Variants in ZDHHC2 observed in about 807,000 individuals in gnomAD.
ZDHHC2 encodes palmitoyltransferase ZDHHC2.
A neutral mutation model predicts 55.6 loss-of-function variants in ZDHHC2; 51 were observed. The ratio of observed to expected loss-of-function variants is 0.92; its 90% CI spans 0.73 to 1.16. ZDHHC2 has a LOEUF of 1.16. Ranked by LOEUF, ZDHHC2 falls within the 50% of genes most tolerant of loss-of-function variation. The probability of loss-of-function intolerance (pLI) is 0.00; values close to 1 mark genes in which losing one functional copy is unlikely to be tolerated. For missense variants in ZDHHC2, 491 were observed against 442.4 expected (o/e 1.11, Z -0.99); for synonymous variants, 199 against 152.9 (o/e 1.30, Z -2.22).
rs1208467052 is a variant in ZDHHC2 at position 17,223,606 on chromosome 8, T to A, written c.*3385T>A. 1 of 151,840 alleles carries A rather than the reference T, an allele frequency of 6.6e-6. No homozygotes were observed. Among genetic ancestry groups the A allele is most frequent in the Non-Finnish European group, 1.5e-5 (1 of 67,770 alleles). The allele number at this position is 151,840 out of a possible 1,614,324, so 9.4% of individuals were successfully genotyped here. On this transcript the variant is annotated 3_prime_UTR_variant, in exon 13 of 13. Transcript: ENST00000262096. ...GTATTACTCTTTTACAAAGATACCA[T>A]TAGAATTTTCTCACTGTCTTGGTAA...
rs141912769 is a variant in ZDHHC2, at chr8:17,197,740, T to G, written c.443+89T>G. ...TTTTCTCACTGTTTTCCTGATTATCTTCTCCATATTCTCGCTTCTCAGCCC... is the reference window on the plus strand; with the variant it reads ...TTTTCTCACTGTTTTCCTGATTATCGTCTCCATATTCTCGCTTCTCAGCCC... On this transcript the variant is annotated intron_variant, in intron 5 of 12. Coordinates refer to ENST00000262096, the MANE Select transcript of ZDHHC2 (RefSeq NM_016353.5). The G allele has an allele frequency of 8.4e-5, 111 of 1,325,758 alleles. No individual in the cohort carries two copies. In the African/African-American group the frequency reaches 9.4e-4, roughly 11 times the overall value. 82.1% of individuals were successfully genotyped at this position (1,325,758 alleles called of 1,614,324 possible).
chr8:17,171,975 A>G (rs756395127), intron 1 of ZDHHC2, among the ~76,000 whole-genome samples: 7 of 151,908 alleles, frequency 4.6e-5, no homozygotes, highest in Non-Finnish European at 8.8e-5. Context: ...TAACTTGTGC[A>G]AGCTGACTCC....
At chr8:17,208,175 A>G in intron 8 of ZDHHC2, 83 bp downstream of exon 8, 1 of 1,373,034 alleles carries the variant, frequency 7.3e-7, no homozygotes, top group Non-Finnish European at 9.6e-7. Context: ...ATTAAATGCC[A>G]ACTTGCCCTG....
At chr8:17,160,035 A>T (rs1328809629) in intron 1 of ZDHHC2, among the ~76,000 whole-genome samples, 1 of 152,178 alleles carries the variant, frequency 6.6e-6, no homozygotes, top group Non-Finnish European at 1.5e-5. Flanking sequence ...TATGAGAGGG[A>T]ATGAGGGAGG....
At chr8:17,199,497 T>TTCG (rs1480481564) in intron 6 of ZDHHC2, among the ~76,000 whole-genome samples, 11,581 of 52,336 alleles carry the variant, frequency 0.22, 1,023 homozygotes, top group East Asian at 0.3. Context: ...CTTCTTCTTC[T>TTCG]TCTTCTTCTT....
intron 1 of ZDHHC2, among the ~76,000 whole-genome samples, chr8:17,178,993 C>G (rs1805295905): frequency 6.6e-6 from 1 of 152,074 alleles, no homozygotes; most frequent in African/African-American, 2.4e-5. Context: ...CTCTGTTGCC[C>G]AGGCTTGAAT....
intron 1 of ZDHHC2, among the ~76,000 whole-genome samples, chr8:17,174,627 C>T (rs1187571216): frequency 6.6e-6 from 1 of 151,876 alleles, no homozygotes; most frequent in African/African-American, 2.4e-5. Context: ...CATAACCTAC[C>T]CTTAAGAGAC....
chr8:17,219,650 C>T (rs945454758), intron 12 of ZDHHC2, among the ~76,000 whole-genome samples: 2 of 152,096 alleles, frequency 1.3e-5, no homozygotes, highest in African/African-American at 4.8e-5. Context: ...CCTGTGGTCC[C>T]AGCCACTCCA....
intron 11 of ZDHHC2, among the ~76,000 whole-genome samples, chr8:17,215,905 G>A (rs181249100): frequency 7.2e-5 from 11 of 152,270 alleles, no homozygotes; most frequent in African/African-American, 1.2e-4. Flanking sequence ...GCAAGGCTCC[G>A]AAGTCAGACC....
intron 1 of ZDHHC2, among the ~76,000 whole-genome samples, chr8:17,171,293 G>A (rs192299618): frequency 1.3e-5 from 2 of 152,280 alleles, no homozygotes; most frequent in Admixed American, 6.5e-5. Context: ...CTGGCACTAG[G>A]AGCCTCTTCT....
At chr8:17,177,935 A>G (rs879670995) in intron 1 of ZDHHC2, among the ~76,000 whole-genome samples, 3 of 152,214 alleles carry the variant, frequency 2.0e-5, no homozygotes, top group African/African-American at 4.8e-5. Context: ...GACAAGAAAA[A>G]GAAAATTCAG....
In ZDHHC2 at chr8:17,222,943, C is replaced by A. The variant is rs1807982906; in HGVS notation, c.*2722C>A. 1 of 151,814 alleles carries A rather than the reference C, an allele frequency of 6.6e-6. No homozygotes were observed. The highest frequency in any genetic ancestry group is 1.5e-5 in the Non-Finnish European group (1 of 67,734). The allele number at this position is 151,814 out of a possible 1,614,324, so 9.4% of individuals were successfully genotyped here. A position where few individuals can be genotyped will look rare whatever the true frequency, so the allele number is the denominator to read the frequency against. On this transcript the variant is annotated 3_prime_UTR_variant, in exon 13 of 13. Transcript: ENST00000262096. ...GATTCTGAGGACAATTAGAAACAGACTATAAAACTCAACTACACTGTAATC... is the reference window on the plus strand; with the variant it reads ...GATTCTGAGGACAATTAGAAACAGAATATAAAACTCAACTACACTGTAATC...
At position 17,174,842 on chromosome 8, in the gene ZDHHC2, C is replaced by T. The variant is rs1343061667; in HGVS notation, c.131-9947C>T. 4.6e-5 allele frequency among the ~76,000 whole-genome samples: 7 copies of T among 151,494 alleles called. No individual in the cohort carries two copies. In the East Asian group the frequency reaches 1.2e-3, roughly 25 times the overall value. ...CCTCCCACCTCAGCCTCCTGACTAG[C>T]TGGCATCACAGGTGTGCGCCACCAC... On this transcript the variant is annotated intron_variant, in intron 1 of 12. Transcript: ENST00000262096.
At chr8:17,200,458 A>G (rs1806697048) in intron 6 of ZDHHC2, among the ~76,000 whole-genome samples, 1 of 152,230 alleles carries the variant, frequency 6.6e-6, no homozygotes, top group African/African-American at 2.4e-5. Context: ...TGTATACTCC[A>G]GATATATTCA....
At chr8:17,199,526 C>CT (rs777872313) in intron 6 of ZDHHC2, among the ~76,000 whole-genome samples, 14 of 35,288 alleles carry the variant, frequency 4.0e-4, no homozygotes, top group Admixed American at 7.6e-4. Flanking sequence ...TCTTCGTCTT[C>CT]GTCTTCTGTC....
At chr8:17,167,294 T>A (rs1804648356) in intron 1 of ZDHHC2, among the ~76,000 whole-genome samples, 1 of 148,356 alleles carries the variant, frequency 6.7e-6, no homozygotes, top group Admixed American at 7.0e-5. Flanking sequence ...GGTAATACTT[T>A]TTTTTTTAAC....
chr8:17,188,360 C>T (rs980361613), intron 3 of ZDHHC2, among the ~76,000 whole-genome samples: 5 of 124,296 alleles, frequency 4.0e-5, no homozygotes, highest in African/African-American at 7.5e-5. Context: ...AGCTCAGTCT[C>T]TTCTGCCTAG....
intron 1 of ZDHHC2, among the ~76,000 whole-genome samples, chr8:17,160,413 C>A (rs756460339): frequency 6.6e-6 from 1 of 152,190 alleles, no homozygotes; most frequent in Non-Finnish European, 1.5e-5. Context: ...TTTAAACGAT[C>A]ATGAATTTTC....
intron 10 of ZDHHC2, among the ~76,000 whole-genome samples, chr8:17,210,947 A>C (rs1167608492): frequency 1.3e-5 from 2 of 152,006 alleles, no homozygotes; most frequent in African/African-American, 2.4e-5. Context: ...TATATTATGG[A>C]CTTAGTGCCC....
Sources: gnomAD v4.1 joint callset for allele counts (sites outside exome capture counted in the v4.1 genomes callset) on GRCh38, gnomAD v4.1.1 for gene constraint, MANE v1.5 for transcripts, NCBI Gene and HGNC (gene_info 2026-07-23, HGNC 2026-07-21) for gene names.